Variants in PODXL2 observed in about 807,000 individuals in gnomAD.
The protein encoded by PODXL2 is podocalyxin like 2, also known as podocalyxin-like protein 2.
In PODXL2, 17 loss-of-function variants were observed where a neutral mutation model predicts 53.4. The observed-to-expected ratio is 0.32, with a 90% CI of 0.22 to 0.48. The LOEUF is 0.48. Ranked by LOEUF, PODXL2 falls within the 20% of genes least tolerant of loss-of-function variation. The probability of loss-of-function intolerance (pLI) is 0.99; values close to 1 mark genes in which losing one functional copy is unlikely to be tolerated. For missense variants in PODXL2, 673 were observed against 760.0 expected (o/e 0.89, Z 1.35); for synonymous variants, 311 against 306.7 (o/e 1.01, Z -0.15).
intron 6 of PODXL2, 48 bp from the exon 7 acceptor site, chr3:127,671,386 T>A: frequency 3.2e-6 from 5 of 1,548,150 alleles, no homozygotes; most frequent in Non-Finnish European, 4.5e-6. Context: ...AGAGGAGCCA[T>A]GGCACCCCAG....
intron 2 of PODXL2, among the ~76,000 whole-genome samples, chr3:127,652,352 G>C (rs144569997): frequency 0.014 from 2,067 of 152,256 alleles, 15 homozygotes; most frequent in Non-Finnish European, 0.022. Context: ...AGCCACCAGG[G>C]GGGGCTGTGA....
At position 127,672,623 on chromosome 3, in the gene PODXL2, C is replaced by A. The variant is rs1045367949; in HGVS notation, c.*143C>A. ...CCTCGGCGCGGGCTCCTTCCCGCTT[C>A]CCCCGACTTCACACGGCGGCTTCGG... On this transcript the variant is annotated 3_prime_UTR_variant, in exon 8 of 8. Coordinates refer to ENST00000342480, the MANE Select transcript of PODXL2 (RefSeq NM_015720.4). The A allele has an allele frequency of 1.1e-5, 6 of 528,068 alleles. No homozygotes were observed. The highest frequency in any genetic ancestry group is 3.1e-5 in the South Asian group (1 of 32,296). The allele number at this position is 528,068 out of a possible 1,614,324, so 32.7% of individuals were successfully genotyped here. A position where few individuals can be genotyped will look rare whatever the true frequency, so the allele number is the denominator to read the frequency against.
intron 6 of PODXL2, 60 bp from the exon 7 acceptor site, chr3:127,671,374 C>T (rs1355401081): frequency 1.9e-6 from 3 of 1,541,728 alleles, no homozygotes; most frequent in Non-Finnish European, 2.7e-6. Context: ...TGCAACCACC[C>T]CAGAGGAGCC....
At position 127,656,690 on chromosome 3, in the gene PODXL2, G is replaced by A. The variant is rs192668034; in HGVS notation, c.350-3688G>A. On this transcript the variant is annotated intron_variant, in intron 2 of 7. Coordinates refer to ENST00000342480, the MANE Select transcript of PODXL2 (RefSeq NM_015720.4). ...ACAGAGGTTGCAGTGAGCCAAGATC[G>A]CGCCACTGCACTCCAGCCTGGGTGA... Among the ~76,000 whole-genome samples the A allele has an allele frequency of 9.2e-3, 1,226 of 133,608 alleles. 19 individuals are homozygous for A. The highest frequency in any genetic ancestry group is 0.033 in the African/African-American group (1,183 of 35,856). The allele number at this position is 133,608 out of a possible 152,430, so 87.7% of individuals were successfully genotyped here.
chr3:127,672,489 G>C lies in PODXL2; in HGVS notation c.*9G>C. On this transcript the variant is annotated 3_prime_UTR_variant, in exon 8 of 8. Transcript: ENST00000342480. ...AGGACACGCACCTGTGAGCGCAGCC[G>C]AGGCGCAGGCCGAGTGGGCCGCCAG... is the stretch of plus-strand genomic sequence containing the variant. 6.8e-7 allele frequency: 1 copy of C among 1,474,524 alleles called. No homozygotes were observed. The highest frequency in any genetic ancestry group is 9.0e-7 in the Non-Finnish European group (1 of 1,111,696). The allele number at this position is 1,474,524 out of a possible 1,614,324, so 91.3% of individuals were successfully genotyped here.
At chr3:127,652,688 CTCACACCTGTG>C (rs1431952808) in intron 2 of PODXL2, among the ~76,000 whole-genome samples, 2 of 152,190 alleles carry the variant, frequency 1.3e-5, no homozygotes, top group Non-Finnish European at 2.9e-5. Context: ...GCTCGGCTTC[CTCACACCTGTG>C]TCCAGGTGTG....
Position 127,672,579 on chromosome 3 carries a change from G to C in PODXL2, c.*99G>C. The C allele has an allele frequency of 1.3e-6, 1 of 775,660 alleles. No homozygotes were observed. The highest frequency in any genetic ancestry group is 1.9e-6 in the Non-Finnish European group (1 of 532,340). The allele number at this position is 775,660 out of a possible 1,614,324, so 48.0% of individuals were successfully genotyped here. On this transcript the variant is annotated 3_prime_UTR_variant, in exon 8 of 8. Coordinates refer to ENST00000342480, the MANE Select transcript of PODXL2 (RefSeq NM_015720.4). ...CCGCACCAGCCCCGCGCCTACCCGG[G>C]CCGCCCCCGCGGCCTGGCCCTCGGC...
intron 2 of PODXL2, 28 bp downstream of exon 2, chr3:127,639,551 G>T: frequency 6.3e-7 from 1 of 1,577,448 alleles, no homozygotes; most frequent in Non-Finnish European, 8.6e-7. Context: ...CAGAGCATGT[G>T]TTGAGTGCCA....
At chr3:127,652,148 C>G (rs955500741) in intron 2 of PODXL2, among the ~76,000 whole-genome samples, 3 of 152,220 alleles carry the variant, frequency 2.0e-5, no homozygotes, top group Non-Finnish European at 2.9e-5. Flanking sequence ...AGTCTTACAA[C>G]TTTACAACTG....
chr3:127,653,559 T>C (rs1356087328), intron 2 of PODXL2, among the ~76,000 whole-genome samples: 1 of 151,918 alleles, frequency 6.6e-6, no homozygotes, highest in Non-Finnish European at 1.5e-5. Context: ...GGCAGGAGAA[T>C]TGCTTGAACC....
chr3:127,662,434 C>G, intron 4 of PODXL2, 123 bp downstream of exon 4: 1 of 659,446 alleles, frequency 1.5e-6, no homozygotes, highest in Middle Eastern at 3.9e-4. Flanking sequence ...CAGTTGGTGG[C>G]CCAGGGATAT....
intron 1 of PODXL2, among the ~76,000 whole-genome samples, chr3:127,634,213 G>A (rs1400781049): frequency 2.0e-5 from 3 of 152,166 alleles, no homozygotes; most frequent in Non-Finnish European, 4.4e-5. Flanking sequence ...ATCACCTGAC[G>A]TCAGGAGTTT....
chr3:127,629,409 C>A lies in PODXL2; in HGVS notation c.70+120C>A. ...GCGGCGCCGCCGGGAGCGCGCGTGT[C>A]CCGGCCGGGCCGCGGCGCCGCCCCG... On this transcript the variant is annotated intron_variant, in intron 1 of 7. Transcript: ENST00000342480. This position sits in a 1 kb window ranked among gnomAD's most constrained non-coding sequence, Gnocchi z 6.4. 1 of 775,594 alleles carries A rather than the reference C, an allele frequency of 1.3e-6. No individual in the cohort carries two copies. The highest frequency in any genetic ancestry group is 1.6e-6 in the Non-Finnish European group (1 of 638,904). 48.0% of individuals were successfully genotyped at this position (775,594 alleles called of 1,614,324 possible). A position where few individuals can be genotyped will look rare whatever the true frequency, so the allele number is the denominator to read the frequency against.
intron 4 of PODXL2, among the ~76,000 whole-genome samples, chr3:127,662,852 G>GA (rs1350686302): frequency 6.6e-6 from 1 of 152,226 alleles, no homozygotes; most frequent in Non-Finnish European, 1.5e-5. Context: ...CTCCTGAGGT[G>GA]ATTAGAGTCT....
intron 6 of PODXL2, among the ~76,000 whole-genome samples, chr3:127,670,665 G>A (rs1023425201): frequency 6.6e-6 from 1 of 152,156 alleles, no homozygotes; most frequent in Non-Finnish European, 1.5e-5. Context: ...TCAGAAAGGG[G>A]GCCTGGTGCA....
At chr3:127,646,949 A>G (rs1484601742) in intron 2 of PODXL2, among the ~76,000 whole-genome samples, 1 of 152,102 alleles carries the variant, frequency 6.6e-6, no homozygotes, top group African/African-American at 2.4e-5. Context: ...TGTCACTAGG[A>G]CTTTGTCATA....
rs1007718138 is a variant in PODXL2 at position 127,660,745 on chromosome 3, G to C, written c.717G>C (p.Met239Ile). The change falls in exon 3 of 8, where the codon ATG becomes ATC. Residue 239 changes from methionine (M) to isoleucine (I), a missense_variant. Around this residue, in one of 3 missense-constraint regions of PODXL2, gnomAD observed 588 missense variants for 668.3 expected, o/e 0.88. Coordinates refer to ENST00000342480, the MANE Select transcript of PODXL2 (RefSeq NM_015720.4). The stretch of plus-strand genomic sequence containing the variant: ...CAGGTGTGGAGGTGGAGAGCAGCAT[G>C]GGGCCCAGCTTGCTGCTGCCTTCAG... ...ASSGVEVESS[M>I]GPSLLLPSVT... The C allele has an allele frequency of 1.2e-6, 2 of 1,614,180 alleles. No homozygotes were observed. The highest frequency in any genetic ancestry group is 8.5e-7 in the Non-Finnish European group (1 of 1,180,024).
chr3:127,643,472 A>G (rs1247661692), intron 2 of PODXL2, among the ~76,000 whole-genome samples: 1 of 151,962 alleles, frequency 6.6e-6, no homozygotes, highest in Non-Finnish European at 1.5e-5. Context: ...AGCCTCTCAA[A>G]GTGTTGGGAT....
At chr3:127,663,196 G>A (rs767155079) in intron 4 of PODXL2, among the ~76,000 whole-genome samples, 5 of 152,148 alleles carry the variant, frequency 3.3e-5, no homozygotes, top group Admixed American at 3.3e-4. Flanking sequence ...GCAAACTTTC[G>A]ACCAGCTCAT....
Sources: allele counts gnomAD v4.1 joint callset (sites outside exome capture counted in the v4.1 genomes callset), GRCh38; gene constraint gnomAD v4.1.1; regional missense constraint gnomAD v4.1.1; non-coding constraint Gnocchi (gnomAD v3.1); transcripts MANE v1.5; gene names NCBI Gene and HGNC (gene_info 2026-07-23, HGNC 2026-07-21).